The following AGBL1 variants were observed in gnomAD, a reference collection of about 807,000 sequenced individuals.
AGBL1 encodes cytosolic carboxypeptidase 4.
In AGBL1, 130 loss-of-function variants were observed where a neutral mutation model predicts 118.9. That is an observed-to-expected ratio of 1.09 (90% CI 0.95 to 1.26). The LOEUF (loss-of-function observed/expected upper bound fraction) is 1.26, where lower values mean the gene tolerates loss of function less well. AGBL1 is among the 50% of genes most tolerant of loss of function. The pLI is 0.00. For synonymous variants in AGBL1, 555 were observed against 478.9 expected (o/e 1.16, Z -2.08); for missense variants, 1,584 against 1,298.1 (o/e 1.22, Z -3.38).
At chr15:86,798,009 G>C (rs1432658211) in intron 22 of AGBL1, among the ~76,000 whole-genome samples, 2 of 152,114 alleles carry the variant, frequency 1.3e-5, no homozygotes, top group African/African-American at 4.8e-5. Context: ...CTAAAGCTTG[G>C]GTCCTGCCCA....
At chr15:86,174,181 A>T (rs543984443) in intron 5 of AGBL1, among the ~76,000 whole-genome samples, 1 of 151,856 alleles carries the variant, frequency 6.6e-6, no homozygotes, top group Admixed American at 6.6e-5. Context: ...GGTTAAATTT[A>T]TTTCTAGGCA....
At chr15:86,259,172 C>A (rs1384999084) in intron 9 of AGBL1, among the ~76,000 whole-genome samples, 2 of 152,206 alleles carry the variant, frequency 1.3e-5, no homozygotes, top group African/African-American at 4.8e-5. Flanking sequence ...TTCCTCACCT[C>A]TACCCACTGG....
intron 18 of AGBL1, among the ~76,000 whole-genome samples, chr15:86,498,846 A>C (rs2082884759): frequency 6.6e-6 from 1 of 151,926 alleles, no homozygotes; most frequent in South Asian, 2.1e-4. Context: ...AAAAGTATGG[A>C]TCACTTGCCA....
At chr15:86,687,896 C>T (rs940052238) in intron 22 of AGBL1, among the ~76,000 whole-genome samples, 3 of 152,088 alleles carry the variant, frequency 2.0e-5, no homozygotes, top group Admixed American at 6.6e-5. Flanking sequence ...GTACAATCAC[C>T]TCTCAGCATT....
At chr15:86,440,300 A>G (rs1002584486) in intron 18 of AGBL1, among the ~76,000 whole-genome samples, 7 of 152,218 alleles carry the variant, frequency 4.6e-5, no homozygotes, top group Non-Finnish European at 7.4e-5. Context: ...AACCAGAGAA[A>G]TGCTTAAGAA....
intron 22 of AGBL1, among the ~76,000 whole-genome samples, chr15:86,688,635 A>C (rs762733465): frequency 3.3e-5 from 5 of 152,170 alleles, no homozygotes; most frequent in Non-Finnish European, 5.9e-5. Context: ...ATCAAACATT[A>C]CTCAAACTAC....
At chr15:86,253,107 G>A (rs1470387728) in intron 7 of AGBL1, among the ~76,000 whole-genome samples, 3 of 152,132 alleles carry the variant, frequency 2.0e-5, no homozygotes, top group Non-Finnish European at 4.4e-5. Flanking sequence ...TGGGAGGTGG[G>A]TGAGCTTGAG....
chr15:86,751,196 C>T (rs1040166599), intron 22 of AGBL1, among the ~76,000 whole-genome samples: 3 of 152,194 alleles, frequency 2.0e-5, no homozygotes, highest in African/African-American at 4.8e-5. Context: ...TGAGGAATCA[C>T]CACACTGTCT....
intron 24 of AGBL1, among the ~76,000 whole-genome samples, chr15:86,995,694 T>G (rs2081373245): frequency 6.6e-6 from 1 of 152,246 alleles, no homozygotes; most frequent in Non-Finnish European, 1.5e-5. Context: ...AATTATTCTC[T>G]GCTACATTAA....
intron 16 of AGBL1, among the ~76,000 whole-genome samples, chr15:86,280,978 C>A (rs1340514331): frequency 6.6e-6 from 1 of 152,218 alleles, no homozygotes; most frequent in African/African-American, 2.4e-5. Context: ...CTGTAACAAG[C>A]CACATTTGTT....
At chr15:86,644,636 CAAAAAA>C (rs202060119) in intron 21 of AGBL1, among the ~76,000 whole-genome samples, 1 of 112,084 alleles carries the variant, frequency 8.9e-6, no homozygotes, top group Admixed American at 9.8e-5. Flanking sequence ...GGCCTGAACT[CAAAAAA>C]AAAAAAAAAA....
chr15:86,154,442 G>C lies in AGBL1; in HGVS notation c.275G>C (p.Gly92Ala). 1.2e-6 allele frequency: 2 copies of C among 1,612,370 alleles called. No individual in the cohort carries two copies. The highest frequency in any genetic ancestry group is 1.7e-6 in the Non-Finnish European group (2 of 1,179,198). ...TTTGTGTTCTTAGATAAAAAGATTG[G>C]ACGGAAGGCCCTAGAATTGGAAGCA... ...AKVGLRDKKI[G>A]RKALELEALD... The change falls in exon 4 of 23, where the codon GGA (glycine) becomes GCA (alanine). Residue 92 changes from glycine (G) to alanine (A), a missense_variant. Gly to Ala is a moderately conservative substitution (Grantham distance 60). Transcript: ENST00000614907.
intron 22 of AGBL1, among the ~76,000 whole-genome samples, chr15:86,756,434 G>T (rs78479091): frequency 0.023 from 3,479 of 150,534 alleles, 191 homozygotes; most frequent in African/African-American, 0.078. Context: ...GGCCCTGCCT[G>T]TTGGCTCCTG....
downstream of AGBL1, among the ~76,000 whole-genome samples, chr15:86,920,632 A>G (rs1488011728): frequency 6.6e-6 from 1 of 152,228 alleles, no homozygotes; most frequent in Non-Finnish European, 1.5e-5. Context: ...GGAACAGTTT[A>G]AGCATTTTAT....
chr15:86,760,398 C>T, intron 22 of AGBL1, among the ~76,000 whole-genome samples: 1 of 152,034 alleles, frequency 6.6e-6, no homozygotes, highest in East Asian at 1.9e-4. Flanking sequence ...CCTACTTGCC[C>T]ATTCGTCATT....
chr15:86,147,465 G>T (rs1392451436), intron 3 of AGBL1, among the ~76,000 whole-genome samples: 4 of 152,212 alleles, frequency 2.6e-5, no homozygotes, highest in Non-Finnish European at 5.9e-5. Context: ...TCTCTCCTGT[G>T]CCTGGCTTGG....
intron 18 of AGBL1, among the ~76,000 whole-genome samples, chr15:86,473,904 A>G (rs2082516190): frequency 6.6e-6 from 1 of 152,170 alleles, no homozygotes; most frequent in African/African-American, 2.4e-5. Flanking sequence ...TTCCTTTGGA[A>G]AATTGTGTGG....
At chr15:86,768,889 G>A (rs2078132877) in intron 22 of AGBL1, among the ~76,000 whole-genome samples, 4 of 151,958 alleles carry the variant, frequency 2.6e-5, no homozygotes, top group African/African-American at 9.7e-5. Context: ...TCTGTAGAAT[G>A]AGTGAATGTT....
At chr15:86,659,392 G>T (rs1362770707) in intron 21 of AGBL1, among the ~76,000 whole-genome samples, 1 of 152,166 alleles carries the variant, frequency 6.6e-6, no homozygotes, top group Non-Finnish European at 1.5e-5. Context: ...CTAAGACCCT[G>T]CCAAAGGTGA....
Sources: allele counts gnomAD v4.1 joint callset (sites outside exome capture counted in the v4.1 genomes callset), GRCh38; gene constraint gnomAD v4.1.1; transcripts MANE v1.5; gene names NCBI Gene and HGNC (gene_info 2026-07-23, HGNC 2026-07-21).